The following AAR2 variants were observed in gnomAD, a reference collection of about 807,000 sequenced individuals.
AAR2 encodes the protein protein AAR2 homolog.
A neutral mutation model predicts 26.9 loss-of-function variants in AAR2; 31 were observed. The ratio of observed to expected loss-of-function variants is 1.15; its 90% CI spans 0.86 to 1.55. The LOEUF (loss-of-function observed/expected upper bound fraction) is 1.55. Among genes scored for constraint, AAR2 ranks in the 40% most tolerant of loss-of-function variants. AAR2 has a pLI of 0.00. For missense variants in AAR2, 430 were observed against 491.3 expected (o/e 0.88, Z 1.18); for synonymous variants, 188 against 196.1 (o/e 0.96, Z 0.34).
At chr20:36,252,486 G>A (rs535603120) in intron 3 of AAR2, among the ~76,000 whole-genome samples, 1 of 152,266 alleles carries the variant, frequency 6.6e-6, no homozygotes, top group East Asian at 1.9e-4. Flanking sequence ...CTGAGGGAAC[G>A]CAGAGGAGCA....
At chr20:36,253,034 C>T (rs79450529) in intron 3 of AAR2, among the ~76,000 whole-genome samples, 3 of 152,260 alleles carry the variant, frequency 2.0e-5, no homozygotes, top group African/African-American at 4.8e-5. Flanking sequence ...TGTGTTTAGT[C>T]GATTCCCAAG....
At chr20:36,255,491 A>G in intron 3 of AAR2, 87 bp from the exon 4 acceptor site, 2 of 1,482,042 alleles carry the variant, frequency 1.3e-6, no homozygotes, top group Non-Finnish European at 1.9e-6. Flanking sequence ...GCCCCAGAAG[A>G]GCCGAACACC....
At chr20:36,239,755 G>A in intron 1 of AAR2, 66 bp from the exon 2 acceptor site, 1 of 1,292,752 alleles carries the variant, frequency 7.7e-7, no homozygotes, top group Non-Finnish European at 1.1e-6. Context: ...GGCACATACA[G>A]AATGCTTAGC....
At chr20:36,236,897 C>G (rs762566944) in intron 1 of AAR2, 37 of 152,210 alleles carry the variant, frequency 2.4e-4, no homozygotes, top group Admixed American at 2.2e-3. Context: ...CAGCAGGACT[C>G]AAGTCTCGTG....
At chr20:36,237,994 C>T (rs1171371681) in intron 1 of AAR2, among the ~76,000 whole-genome samples, 1 of 151,872 alleles carries the variant, frequency 6.6e-6, no homozygotes, top group African/African-American at 2.4e-5. Context: ...CAGTATTGGC[C>T]AGGCTGGTCT....
At chr20:36,250,374 T>G (rs2147296701) in intron 3 of AAR2, among the ~76,000 whole-genome samples, 1 of 152,348 alleles carries the variant, frequency 6.6e-6, no homozygotes, top group South Asian at 2.1e-4. Flanking sequence ...GAGATTAAGG[T>G]GATTTATGTC....
intron 1 of AAR2, 40 bp from the exon 2 acceptor site, chr20:36,239,781 C>T (rs1370258066): frequency 4.1e-6 from 6 of 1,448,042 alleles, no homozygotes; most frequent in East Asian, 4.6e-5. Context: ...AAGCATCTTT[C>T]CCCCACGTTC....
chr20:36,244,946 G>T lies in AAR2; in HGVS notation c.987+20G>T, dbSNP rs2064719817. The T allele has an allele frequency of 2.8e-5, 44 of 1,592,746 alleles. No individual in the cohort carries two copies. Among genetic ancestry groups the T allele is most frequent in the Non-Finnish European group, 3.5e-5 (41 of 1,160,930 alleles). On this transcript the variant is annotated intron_variant, in intron 3 of 3. Transcript: ENST00000320849. ...TTACAGGTGAGCAGTCTTTCTGACTGAGCTGATGCACATGTGGGTCAGAAT... is the reference window on the plus strand; with the variant it reads ...TTACAGGTGAGCAGTCTTTCTGACTTAGCTGATGCACATGTGGGTCAGAAT...
At chr20:36,244,146 T>C (rs1368537453) in intron 2 of AAR2, among the ~76,000 whole-genome samples, 2 of 152,228 alleles carry the variant, frequency 1.3e-5, no homozygotes, top group African/African-American at 4.8e-5. Context: ...AAATACCATC[T>C]TCCTGATCGC....
At chr20:36,252,485 C>T (rs568537509) in intron 3 of AAR2, among the ~76,000 whole-genome samples, 43 of 152,164 alleles carry the variant, frequency 2.8e-4, no homozygotes, top group South Asian at 1.0e-3. Context: ...GCTGAGGGAA[C>T]GCAGAGGAGC....
chr20:36,240,649 G>A (rs747348077), intron 2 of AAR2, 24 bp downstream of exon 2: 3 of 1,599,724 alleles, frequency 1.9e-6, no homozygotes, highest in Non-Finnish European at 2.6e-6. Flanking sequence ...AGGCTCTTTG[G>A]GAGTGGGCCA....
In AAR2 at chr20:36,255,914, C is replaced by T. The variant is rs77987617; in HGVS notation, c.*169C>T. ...CACTGATAAATATATTTCTTCATTGCCAAAGAGGCTGTACCCATCCTGAAG... is the reference window on the plus strand; with the variant it reads ...CACTGATAAATATATTTCTTCATTGTCAAAGAGGCTGTACCCATCCTGAAG... On this transcript the variant is annotated 3_prime_UTR_variant, in exon 4 of 4. Coordinates refer to ENST00000320849, the MANE Select transcript of AAR2 (RefSeq NM_001271874.2). 1,339 of 940,748 alleles carry T rather than the reference C, an allele frequency of 1.4e-3. 8 individuals are homozygous for T. In the African/African-American group the frequency reaches 0.02, roughly 14 times the overall value. 58.3% of individuals were successfully genotyped at this position (940,748 alleles called of 1,614,324 possible).
chr20:36,240,767 C>A, intron 2 of AAR2, 142 bp downstream of exon 2: 2 of 1,177,464 alleles, frequency 1.7e-6, no homozygotes, highest in Admixed American at 2.8e-5. Flanking sequence ...TGTCTTTACC[C>A]TTAGCCCTGG....
At chr20:36,248,840 T>C (rs1321236279) in intron 3 of AAR2, among the ~76,000 whole-genome samples, 1 of 151,684 alleles carries the variant, frequency 6.6e-6, no homozygotes, top group Admixed American at 6.6e-5. Context: ...GAGGGATGAC[T>C]GAGATTTCAA....
rs139427095 is a variant in AAR2, at chr20:36,240,589, A to T, written c.721A>T (p.Asn241Tyr). The T allele has an allele frequency of 3.0e-5, 49 of 1,612,452 alleles. No individual in the cohort carries two copies. In the African/African-American group the frequency reaches 5.7e-4, roughly 19 times the overall value. The change falls in exon 2 of 4, where the codon AAC becomes TAC. Residue 241 changes from asparagine (N) to tyrosine (Y), a missense_variant. Physicochemically the swap from Asn to Tyr is moderately radical, Grantham distance 143 (BLOSUM62 -2). Coordinates refer to ENST00000320849, the MANE Select transcript of AAR2 (RefSeq NM_001271874.2). Reference sequence around the variant, plus strand: ...GAGCTATGCCCTGGAGACTGTGCTCAACAAGCAGTTCCCCAGCAGCCCCCA... The same window carrying T: ...GAGCTATGCCCTGGAGACTGTGCTCTACAAGCAGTTCCCCAGCAGCCCCCA... The part of the protein sequence containing the change: ...DLSYALETVL[N>Y]KQFPSSPQDV...
intron 2 of AAR2, among the ~76,000 whole-genome samples, chr20:36,242,355 G>T (rs1222029616): frequency 6.8e-6 from 1 of 146,666 alleles, no homozygotes; most frequent in Non-Finnish European, 1.5e-5. Flanking sequence ...TATTTTAACA[G>T]GTACATCTTT....
intron 2 of AAR2, 42 bp downstream of exon 2, chr20:36,240,667 G>A: frequency 6.3e-7 from 1 of 1,581,694 alleles, no homozygotes; most frequent in Non-Finnish European, 8.6e-7. Flanking sequence ...CCAAGGGGAG[G>A]ATATTAGCAG....
intron 3 of AAR2, among the ~76,000 whole-genome samples, chr20:36,247,697 C>T (rs2064747488): frequency 6.6e-6 from 1 of 152,046 alleles, no homozygotes; most frequent in African/African-American, 2.4e-5. Context: ...GTGAAACCCC[C>T]ATGTCTACTA....
Position 36,242,854 on chromosome 20 carries a change from G to GTT in AAR2, c.758-1823_758-1822dup, listed in dbSNP as rs766390749. Among the ~76,000 whole-genome samples, 153 of 120,972 alleles carry GTT rather than the reference G, an allele frequency of 1.3e-3. 1 individual carries two copies. The highest frequency in any genetic ancestry group is 2.6e-3 in the African/African-American group (82 of 31,804). 79.4% of individuals were successfully genotyped at this position (120,972 alleles called of 152,430 possible). On this transcript the variant is annotated intron_variant, in intron 2 of 3. Transcript: ENST00000320849. ...GTCTGTTACAGGAATAACTTTGTTG[G>GTT]TTTTTTTTTTTTTTTTTTTTTGAGA...
Sources: gnomAD v4.1 joint callset for allele counts (sites outside exome capture counted in the v4.1 genomes callset) on GRCh38, gnomAD v4.1.1 for gene constraint, MANE v1.5 for transcripts, NCBI Gene and HGNC (gene_info 2026-07-23, HGNC 2026-07-21) for gene names.